FAIM2: variants seen among roughly 807,000 people sequenced by gnomAD.
FAIM2 encodes Fas apoptotic inhibitory molecule 2.
A neutral mutation model predicts 47.4 loss-of-function variants in FAIM2; 27 were observed. The observed-to-expected ratio is 0.57, with a 90% confidence interval of 0.42 to 0.78. The LOEUF is 0.78. Among genes scored for constraint, FAIM2 ranks in the 30% least tolerant of loss-of-function variants. FAIM2 has a pLI of 0.00. For missense variants in FAIM2, 311 were observed against 389.4 expected, an observed-to-expected ratio of 0.80 and a Z score of 1.69; for synonymous variants, 156 against 159.3, an observed-to-expected ratio of 0.98 and a Z score of 0.16.
Position 49,890,131 on chromosome 12 carries a change from A to C in FAIM2, c.549T>G (p.Thr183=). ...GTTCCCTTTACCTGGACAGCATCCCAGTGAGGTAGGCCATGGACAGGGTCT... is the reference window on the plus strand; with the variant it reads ...GTTCCCTTTACCTGGACAGCATCCCCGTGAGGTAGGCCATGGACAGGGTCT... The part of the protein sequence containing the change: ...TVFTLSMAYL[T]GMLSSYYNTT... The change falls in exon 8 of 12, where the codon ACT becomes ACG. Residue 183 remains threonine, a synonymous_variant. Coordinates refer to ENST00000320634, the MANE Select transcript of FAIM2 (RefSeq NM_012306.4). The C allele has an allele frequency of 6.2e-7, 1 of 1,613,994 alleles. No homozygotes were observed. Among genetic ancestry groups the C allele is most frequent in the Non-Finnish European group, 8.5e-7 (1 of 1,179,938 alleles).
Position 49,878,392 on chromosome 12 carries a change from G to GTA in FAIM2, c.802-7740_802-7739insTA, listed in dbSNP as rs1555157918. On this transcript the variant is annotated intron_variant, in intron 11 of 11. Coordinates refer to ENST00000320634, the MANE Select transcript of FAIM2 (RefSeq NM_012306.4). ...TGGGCATGTGCATGTGTGTATATGT[G>GTA]TGTGTCTGTGTGCATGTGAGTGTAT... Among the ~76,000 whole-genome samples the GTA allele has an allele frequency of 5.7e-4, 71 of 125,238 alleles. 11 individuals are homozygous for GTA. The highest frequency in any genetic ancestry group is 2.0e-3 in the African/African-American group (62 of 31,700). The allele number at this position is 125,238 out of a possible 152,430, so 82.2% of individuals were successfully genotyped here. A position where few individuals can be genotyped will look rare whatever the true frequency, so the allele number is the denominator to read the frequency against.
At chr12:49,903,593 G>A (rs902963640) in intron 1 of FAIM2, among the ~76,000 whole-genome samples, 185 bp downstream of exon 1, 1 of 152,240 alleles carries the variant, frequency 6.6e-6, no homozygotes, top group East Asian at 1.9e-4. Context: ...CCTGCGGGCA[G>A]GAAGAGGCCT....
At chr12:49,884,687 G>C (rs1946848357) in intron 11 of FAIM2, among the ~76,000 whole-genome samples, 1 of 152,176 alleles carries the variant, frequency 6.6e-6, no homozygotes, top group Non-Finnish European at 1.5e-5. Context: ...ATAAGAATCT[G>C]TGCCAGGACG....
intron 11 of FAIM2, among the ~76,000 whole-genome samples, chr12:49,886,229 G>A (rs1946860215): frequency 6.6e-6 from 1 of 152,178 alleles, no homozygotes. Context: ...CTGCATTCGG[G>A]TGCGTGGGGC....
chr12:49,871,674 T>C (rs946864463), intron 11 of FAIM2, among the ~76,000 whole-genome samples: 7 of 151,566 alleles, frequency 4.6e-5, no homozygotes, highest in Admixed American at 6.6e-5. Flanking sequence ...CTTTTCTTTT[T>C]TTTTTTTTTG....
At chr12:49,880,881 A>AGTGTGTGT (rs56101227) in intron 11 of FAIM2, among the ~76,000 whole-genome samples, 7,714 of 150,930 alleles carry the variant, frequency 0.051, 200 homozygotes, top group Non-Finnish European at 0.06. Context: ...CGTGAATGTG[A>AGTGTGTGT]GTGTGTGTGT....
rs183584360 is a variant in FAIM2, at chr12:49,884,745, C to A, written c.801+2641G>T. Among the ~76,000 whole-genome samples the A allele has an allele frequency of 5.1e-3, 784 of 152,304 alleles. 9 individuals are homozygous for A. Among genetic ancestry groups the A allele is most frequent in the Non-Finnish European group, 7.5e-3 (510 of 68,014 alleles). ...ATCCCAGCACTTTGGGAGGCCAAGG[C>A]GGGCGGATCACGAGGTCAGGAGATC... is the stretch of plus-strand genomic sequence containing the variant. On this transcript the variant is annotated intron_variant, in intron 11 of 11. Transcript: ENST00000320634.
intron 11 of FAIM2, among the ~76,000 whole-genome samples, chr12:49,880,488 A>ATGTGTATG (rs1555158537): frequency 4.7e-5 from 2 of 42,964 alleles, no homozygotes; most frequent in African/African-American, 2.3e-4. Flanking sequence ...ATGTGTATGC[A>ATGTGTATG]TGTGTATGTG....
chr12:49,890,213 C>T lies in FAIM2; in HGVS notation c.526-59G>A. On this transcript the variant is annotated intron_variant, in intron 7 of 11. Coordinates refer to ENST00000320634, the MANE Select transcript of FAIM2 (RefSeq NM_012306.4). ...AACTCAGACGCAGGGGCCCAGGCAC[C>T]CTCGAGGTCCAGCTCAGGTCTCCAC... is the stretch of plus-strand genomic sequence containing the variant. The T allele has an allele frequency of 1.9e-6, 3 of 1,544,432 alleles. No homozygotes were observed. The South Asian group carries it at 3.4e-5, about 17-fold the overall frequency.
intron 5 of FAIM2, 25 bp from the exon 6 acceptor site, chr12:49,891,139 A>G: frequency 6.2e-7 from 1 of 1,611,730 alleles, no homozygotes; most frequent in Non-Finnish European, 8.5e-7. Context: ...TGGATAGGTG[A>G]GTCAGCCAGC....
chr12:49,898,889 A>G (rs948113217), intron 2 of FAIM2, among the ~76,000 whole-genome samples: 1 of 151,278 alleles, frequency 6.6e-6, no homozygotes, highest in African/African-American at 2.4e-5. Context: ...GCTGTGGTGG[A>G]CCGCTGGTAC....
chr12:49,869,480 G>A lies in FAIM2; in HGVS notation c.*1024C>T, dbSNP rs1023400235. On this transcript the variant is annotated 3_prime_UTR_variant, in exon 12 of 12. Transcript: ENST00000320634. ...AACAGCAGCTGACAGGAAGGGTTTA[G>A]GAAATAAGAGGTGCAGAAGGGACTC... 3 of 153,104 alleles carry A rather than the reference G, an allele frequency of 2.0e-5. No individual in the cohort carries two copies. Among genetic ancestry groups the A allele is most frequent in the Non-Finnish European group, 4.4e-5 (3 of 68,560 alleles). 9.5% of individuals were successfully genotyped at this position (153,104 alleles called of 1,614,324 possible).
intron 5 of FAIM2, among the ~76,000 whole-genome samples, chr12:49,892,933 A>G (rs1946910533): frequency 6.6e-6 from 1 of 151,986 alleles, no homozygotes; most frequent in Admixed American, 6.6e-5. Context: ...AAGTCACCCA[A>G]TCAGAGACCT....
intron 5 of FAIM2, among the ~76,000 whole-genome samples, chr12:49,894,804 G>A (rs1946924380): frequency 1.3e-5 from 2 of 152,204 alleles, no homozygotes; most frequent in Admixed American, 6.5e-5. Context: ...ACTGTTAAAT[G>A]AGGATAACAG....
intron 11 of FAIM2, among the ~76,000 whole-genome samples, chr12:49,880,492 G>GTATGTGTGTA (rs1555158544): frequency 9.5e-4 from 80 of 84,276 alleles, no homozygotes; most frequent in South Asian, 5.0e-3. Flanking sequence ...GTATGCATGT[G>GTATGTGTGTA]TATGTGTGTG....
intron 11 of FAIM2, among the ~76,000 whole-genome samples, chr12:49,876,535 G>T (rs553941565): frequency 6.6e-6 from 1 of 152,022 alleles, no homozygotes; most frequent in Non-Finnish European, 1.5e-5. Flanking sequence ...AGGCCGAGGC[G>T]GGCGGATCAC....
chr12:49,882,526 C>T (rs1565615802), intron 11 of FAIM2, among the ~76,000 whole-genome samples: 1 of 152,174 alleles, frequency 6.6e-6, no homozygotes, highest in African/African-American at 2.4e-5. Context: ...GGGATGGAGC[C>T]AGGGGAACTG....
chr12:49,883,835 C>A (rs1162618774), intron 11 of FAIM2, among the ~76,000 whole-genome samples: 3 of 152,056 alleles, frequency 2.0e-5, no homozygotes, highest in African/African-American at 7.2e-5. Context: ...TCCAATACTT[C>A]TGGGAGTCCA....
chr12:49,884,868 G>A (rs1180542997), intron 11 of FAIM2, among the ~76,000 whole-genome samples: 1 of 152,210 alleles, frequency 6.6e-6, no homozygotes, highest in African/African-American at 2.4e-5. Flanking sequence ...CAGCTCCTTG[G>A]GAGACTGAGG....
Sources: allele counts gnomAD v4.1 joint callset (sites outside exome capture counted in the v4.1 genomes callset), GRCh38; gene constraint gnomAD v4.1.1; transcripts MANE v1.5; gene names NCBI Gene and HGNC (gene_info 2026-07-23, HGNC 2026-07-21).